The following C4orf54 variants were observed in gnomAD, a reference collection of about 807,000 sequenced individuals.
The protein encoded by C4orf54 is chromosome 4 open reading frame 54.
C4orf54 carries 67 observed loss-of-function variants against 80.1 expected under a neutral mutation model. The observed-to-expected ratio is 0.84, with a 90% CI of 0.69 to 1.03. The LOEUF is 1.03. Ranked by LOEUF, C4orf54 falls within the 50% of genes least tolerant of loss-of-function variation. The pLI is 0.00. For missense variants in C4orf54, 2,434 were observed against 2,253.5 expected, an observed-to-expected ratio of 1.08 and a Z score of -1.62; for synonymous variants, 1,000 against 917.0, an observed-to-expected ratio of 1.09 and a Z score of -1.64.
At chr4:99,648,921 G>A (rs530410214) in intron 2 of C4orf54, among the ~76,000 whole-genome samples, 2 of 152,124 alleles carry the variant, frequency 1.3e-5, no homozygotes, top group East Asian at 1.9e-4. Flanking sequence ...CCCTGACAAC[G>A]TTCACCACGG....
At position 99,651,556 on chromosome 4, in the gene C4orf54, G is replaced by C; in HGVS notation, c.3093C>G (p.Ile1031Met). 6.5e-7 allele frequency: 1 copy of C among 1,536,134 alleles called. No homozygotes were observed. Among genetic ancestry groups the C allele is most frequent in the Non-Finnish European group, 8.7e-7 (1 of 1,146,908 alleles). Residue 1031 changes from isoleucine to methionine, a missense_variant, in exon 2 of 3, where the codon ATC becomes ATG. By Grantham distance (10) the Ile-to-Met change is conservative. Coordinates refer to ENST00000511828, the MANE Select transcript of C4orf54 (RefSeq NM_001354435.2). ...VIRPKAPEIK[I>M]RLGSVQQPSS... ...TCGGCTGCTGCACACTCCCCAGCCG[G>C]ATCTTGATTTCGGGAGCCTTGGGTC...
At position 99,652,884 on chromosome 4, in the gene C4orf54, G is replaced by A. The variant is rs1421447197; in HGVS notation, c.1765C>T (p.Arg589Cys). ...ATGGCCCCGCACCTGGTTTGCAGGC[G>A]AGCAGGTACAGCAATGAATTTCTTT... is the stretch of plus-strand genomic sequence containing the variant. ...HAKKFIAVPA[R>C]LQTRCGAIRA... is the part of the protein sequence containing the mutation. Residue 589 changes from arginine to cysteine, a missense_variant, in exon 2 of 3, where the codon CGC (arginine) becomes TGC (cysteine). Transcript: ENST00000511828. The A allele has an allele frequency of 2.0e-6, 3 of 1,536,168 alleles. No homozygotes were observed. The highest frequency in any genetic ancestry group is 1.7e-6 in the Non-Finnish European group (2 of 1,146,924).
Position 99,651,367 on chromosome 4 carries a change from GTC to G in C4orf54, c.3280_3281del (p.Asp1094GlnfsTer19), listed in dbSNP as rs1726822592. The G allele has an allele frequency of 6.5e-7, 1 of 1,536,046 alleles. No homozygotes were observed. The highest frequency in any genetic ancestry group is 2.0e-5 in the Admixed American group (1 of 50,980). On this transcript the variant is annotated frameshift_variant, in exon 2 of 3. Transcript: ENST00000511828. LOFTEE classifies it high-confidence loss of function. ...GGAGGGGGCCTTGAGCCTTGGACTT[GTC>G]TCTGATGTCTCTCACCTGGAAATGG... ...VPHFQVRDIR[D>X]KSKAQGPLHQ...
At chr4:99,642,234 C>T (rs13103880) in intron 2 of C4orf54, among the ~76,000 whole-genome samples, 14,162 of 151,948 alleles carry the variant, frequency 0.093, 1,323 homozygotes, top group African/African-American at 0.23. Context: ...AGCAGCAATA[C>T]GAAAAGAAAA....
chr4:99,649,730 G>A lies in C4orf54; in HGVS notation c.4919C>T (p.Thr1640Ile), dbSNP rs1230219050. 2 of 1,536,080 alleles carry A rather than the reference G, an allele frequency of 1.3e-6. No homozygotes were observed. Among genetic ancestry groups the A allele is most frequent in the Non-Finnish European group, 1.7e-6 (2 of 1,146,920 alleles). Residue 1640 changes from threonine (T) to isoleucine (I), a missense_variant, in exon 2 of 3, where the codon ACA (threonine) becomes ATA (isoleucine). Transcript: ENST00000511828. Reference sequence around the variant, plus strand: ...CATGGGCACATCCACATACTGCCCTGTCTCAGGGTCAAACAGTCTCCGGGT... The same window carrying A: ...CATGGGCACATCCACATACTGCCCTATCTCAGGGTCAAACAGTCTCCGGGT... ...PMTRRLFDPE[T>I]GQYVDVPMTS...
At chr4:99,642,025 A>G (rs1378684195) in intron 2 of C4orf54, among the ~76,000 whole-genome samples, 4 of 152,196 alleles carry the variant, frequency 2.6e-5, no homozygotes, top group Non-Finnish European at 4.4e-5. Context: ...TCTGTCATCT[A>G]GAAACAAACC....
chr4:99,642,063 G>C (rs374134335), intron 2 of C4orf54, among the ~76,000 whole-genome samples: 3 of 152,162 alleles, frequency 2.0e-5, no homozygotes, highest in African/African-American at 7.2e-5. Flanking sequence ...TAAAAAAGAA[G>C]TCTATAAGAA....
Position 99,649,787 on chromosome 4 carries a change from TACTGGCCTGTTGTC to T in C4orf54, c.4848_4861del (p.Thr1617LeufsTer16). On this transcript the variant is annotated frameshift_variant, in exon 2 of 3. Coordinates refer to ENST00000511828, the MANE Select transcript of C4orf54 (RefSeq NM_001354435.2). LOFTEE classifies it low-confidence loss of function (END_TRUNC). ...CTGTACTGGTGTGTCCACCAGATAG[TACTGGCCTGTTGTC>T]ACATCCAGGAGCATCTTACGCTGGG... The T allele has an allele frequency of 6.5e-7, 1 of 1,536,188 alleles. No individual in the cohort carries two copies. The highest frequency in any genetic ancestry group is 8.7e-7 in the Non-Finnish European group (1 of 1,146,902).
rs749105296 is a variant in C4orf54 at position 99,653,131 on chromosome 4, G to A, written c.1518C>T (p.Ala506=). Residue 506 remains alanine, a synonymous_variant, in exon 2 of 3, where the codon GCC becomes GCT. Coordinates refer to ENST00000511828, the MANE Select transcript of C4orf54 (RefSeq NM_001354435.2). The part of the protein sequence containing the change: ...ETPEAASGAA[A]AAASSCGSAA... ...CACTCCCACAGCTGCTTGCGGCGGC[G>A]GCTGCTGCCCCTGAAGCTGCCTCCG... 5,186 of 1,536,148 alleles carry A rather than the reference G, an allele frequency of 3.4e-3. 15 individuals carry two copies. Among genetic ancestry groups the A allele is most frequent in the Non-Finnish European group, 4.0e-3 (4,572 of 1,146,912 alleles).
In C4orf54 at chr4:99,650,881, C is replaced by T. The variant is rs1431365302; in HGVS notation, c.3768G>A (p.Lys1256=). Residue 1256 remains lysine (K), a synonymous_variant, in exon 2 of 3, where the codon AAG becomes AAA. Transcript: ENST00000511828. ...ATKPARNALE[K]LTAAVRSMEE... ...CCATGGACCTCACGGCTGCAGTCAG[C>T]TTCTCCAGGGCATTCCGGGCTGGCT... The T allele has an allele frequency of 6.5e-7, 1 of 1,536,230 alleles. No individual in the cohort carries two copies. Among genetic ancestry groups the T allele is most frequent in the South Asian group, 1.2e-5 (1 of 84,054 alleles).
Position 99,651,924 on chromosome 4 carries a change from C to T in C4orf54, c.2725G>A (p.Gly909Ser). ...KASTPRERNA[G>S]PGRNFTDGHT... ...CCATCGGTGAAATTCCGGCCAGGGC[C>T]TGCGTTGCGCTCGCGAGGAGTACTG... The change falls in exon 2 of 3, where the codon GGC becomes AGC. Residue 909 changes from glycine to serine, a missense_variant. By Grantham distance (56) the Gly-to-Ser change is moderately conservative. Coordinates refer to ENST00000511828, the MANE Select transcript of C4orf54 (RefSeq NM_001354435.2). 3.3e-6 allele frequency: 5 copies of T among 1,536,138 alleles called. No individual in the cohort carries two copies. Among genetic ancestry groups the T allele is most frequent in the Non-Finnish European group, 4.4e-6 (5 of 1,146,914 alleles).
In C4orf54 at chr4:99,651,169, G is replaced by A; in HGVS notation, c.3480C>T (p.Asn1160=). Residue 1160 remains asparagine, a synonymous_variant, in exon 2 of 3, where the codon AAC becomes AAT. Transcript: ENST00000511828. ...PMVITCQAVV[N]QREDSMDREP... ...CTCGGTCCATGCTGTCTTCCCTCTG[G>A]TTCACTACAGCCTGGCATGTAATCA... The A allele has an allele frequency of 6.5e-7, 1 of 1,536,104 alleles. No individual in the cohort carries two copies. Among genetic ancestry groups the A allele is most frequent in the East Asian group, 2.4e-5 (1 of 40,920 alleles).
rs1726899250 is a variant in C4orf54, at chr4:99,653,401, T to TG, written c.1247dup (p.Gly417ArgfsTer59). ...CTTCGGTCAGACTGGTGATGTCCCC[T>TG]GGGGTCTCGTCGCTGCCACCAAAGG... On this transcript the variant is annotated frameshift_variant, in exon 2 of 3. Transcript: ENST00000511828. LOFTEE classifies it high-confidence loss of function. The TG allele has an allele frequency of 9.1e-6, 14 of 1,536,260 alleles. No homozygotes were observed. In the East Asian group the frequency reaches 3.4e-4, roughly 38 times the overall value.
In C4orf54 at chr4:99,649,827, T is replaced by C; in HGVS notation, c.4822A>G (p.Thr1608Ala). The C allele has an allele frequency of 6.5e-7, 1 of 1,535,550 alleles. No homozygotes were observed. Among genetic ancestry groups the C allele is most frequent in the Middle Eastern group, 1.7e-4 (1 of 5,990 alleles). ...DPFQQAQPQQ[T>A]QRKMLLDVTT... ...ACATCCAGGAGCATCTTACGCTGGG[T>C]CTGTTGAGGCTGTGCCTGCTGGAAG... The change falls in exon 2 of 3, where the codon ACC becomes GCC. Residue 1608 changes from threonine (T) to alanine (A), a missense_variant. Transcript: ENST00000511828.
In C4orf54 at chr4:99,652,173, C is replaced by T. The variant is rs1726852800; in HGVS notation, c.2476G>A (p.Glu826Lys). ...ACTTCTCCCCTCTCCATTTTGAACT[C>T]GTGTTCCCGCTGCATCTTCTTGGAA... ...VISKKMQREH[E>K]FKMERGEVMD... Residue 826 changes from glutamate to lysine, a missense_variant, in exon 2 of 3, where the codon GAG becomes AAG. Coordinates refer to ENST00000511828, the MANE Select transcript of C4orf54 (RefSeq NM_001354435.2). 1.3e-6 allele frequency: 2 copies of T among 1,535,942 alleles called. No individual in the cohort carries two copies. The highest frequency in any genetic ancestry group is 2.4e-5 in the South Asian group (2 of 84,072).
At position 99,652,118 on chromosome 4, in the gene C4orf54, G is replaced by A. The variant is rs1008129255; in HGVS notation, c.2531C>T (p.Thr844Ile). The change falls in exon 2 of 3, where the codon ACC (threonine) becomes ATC (isoleucine). Residue 844 changes from threonine to isoleucine, a missense_variant. Physicochemically the swap from Thr to Ile is moderately conservative, Grantham distance 89. Coordinates refer to ENST00000511828, the MANE Select transcript of C4orf54 (RefSeq NM_001354435.2). ...VMDTSHHLSG[T>I]SKETEGARGS... ...GCGGGCGCCCTCCGTCTCCTTGGAGGTGCCTGAGAGGTGGTGGGATGTATC... is the reference window on the plus strand; with the variant it reads ...GCGGGCGCCCTCCGTCTCCTTGGAGATGCCTGAGAGGTGGTGGGATGTATC... 2 of 1,535,966 alleles carry A rather than the reference G, an allele frequency of 1.3e-6. No homozygotes were observed. The highest frequency in any genetic ancestry group is 2.7e-5 in the African/African-American group (2 of 73,058).
At chr4:99,647,924 G>C (rs1190598905) in intron 2 of C4orf54, among the ~76,000 whole-genome samples, 1 of 152,090 alleles carries the variant, frequency 6.6e-6, no homozygotes. Flanking sequence ...CCCGAATGAA[G>C]GCTCTTTCAT....
rs1726531282 is a variant in C4orf54, at chr4:99,637,717, G to T, written c.*3516C>A. On this transcript the variant is annotated 3_prime_UTR_variant, in exon 3 of 3. Transcript: ENST00000511828. ...CCTCAACAGTACTGATAAAATACAG[G>T]GCACCTTTTTCTTTCAAGTATTTGG... 1 of 151,854 alleles carries T rather than the reference G, an allele frequency of 6.6e-6. No individual in the cohort carries two copies. The highest frequency in any genetic ancestry group is 2.1e-4 in the South Asian group (1 of 4,798). 9.4% of individuals were successfully genotyped at this position (151,854 alleles called of 1,614,324 possible).
At chr4:99,645,080 A>G (rs1726677807) in intron 2 of C4orf54, among the ~76,000 whole-genome samples, 1 of 152,044 alleles carries the variant, frequency 6.6e-6, no homozygotes, top group South Asian at 2.1e-4. Flanking sequence ...TCTAAAAAAG[A>G]AAAAGACTCT....
Sources: allele counts gnomAD v4.1 joint callset (sites outside exome capture counted in the v4.1 genomes callset), GRCh38; gene constraint gnomAD v4.1.1; transcripts MANE v1.5; gene names NCBI Gene and HGNC (gene_info 2026-07-23, HGNC 2026-07-21).